SAXO1: variants seen among roughly 807,000 people sequenced by gnomAD.
The protein encoded by SAXO1 is 4930500O09Rik.
A neutral mutation model predicts 17.5 loss-of-function variants in SAXO1; 21 were observed. The ratio of observed to expected loss-of-function variants is 1.20; its 90% CI spans 0.85 to 1.72. The LOEUF is 1.72. Ranked by LOEUF, SAXO1 falls within the 40% of genes most tolerant of loss-of-function variation. The probability of loss-of-function intolerance (pLI) is 0.00; values close to 1 mark genes in which losing one functional copy is unlikely to be tolerated. For missense variants in SAXO1, 843 were observed against 596.0 expected (o/e 1.41, Z -4.32); for synonymous variants, 274 against 216.5 (o/e 1.27, Z -2.33).
Position 18,995,883 on chromosome 9 carries a change from C to T in SAXO1, c.38+36988G>A, listed in dbSNP as rs556626540. Among the ~76,000 whole-genome samples, 459 of 151,956 alleles carry T rather than the reference C, an allele frequency of 3.0e-3. 7 individuals are homozygous for T. The South Asian group carries it at 0.044, about 15-fold the overall frequency. ...TCACTTGAGGTCAGGAGTTTGAGAC[C>T]AGCCTGGCCAACGTGGTGAAACCCC... On this transcript the variant is annotated intron_variant, in intron 1 of 3. Transcript: ENST00000380534.
intron 1 of SAXO1, among the ~76,000 whole-genome samples, chr9:19,042,605 G>A (rs748168779): frequency 4.0e-4 from 60 of 150,690 alleles, no homozygotes; most frequent in Non-Finnish European, 7.4e-4. Context: ...GCTCACACCT[G>A]TAATCCCAGC....
intron 1 of SAXO1, among the ~76,000 whole-genome samples, chr9:18,980,842 C>T (rs1001309847): frequency 4.9e-5 from 7 of 144,156 alleles, no homozygotes; most frequent in African/African-American, 1.6e-4. Context: ...AAAAACTCAT[C>T]GAGAACCCTC....
intron 1 of SAXO1, among the ~76,000 whole-genome samples, chr9:18,985,549 C>G (rs1833557857): frequency 6.6e-6 from 1 of 152,122 alleles, no homozygotes; most frequent in African/African-American, 2.4e-5. Context: ...CTAAACAGAG[C>G]AGCAATTGAC....
In SAXO1 at chr9:18,995,904, A is replaced by T. The variant is rs538850625; in HGVS notation, c.38+36967T>A. On this transcript the variant is annotated intron_variant, in intron 1 of 3. Coordinates refer to ENST00000380534, the MANE Select transcript of SAXO1 (RefSeq NM_153707.4). ...AGACCAGCCTGGCCAACGTGGTGAA[A>T]CCCCATCTTACCAAAAATACAACAA... Among the ~76,000 whole-genome samples the T allele has an allele frequency of 9.6e-4, 146 of 151,976 alleles. 1 individual carries two copies. Among genetic ancestry groups the T allele is most frequent in the South Asian group, 1.7e-3 (8 of 4,796 alleles).
At chr9:19,040,601 G>T (rs111452091) in intron 1 of SAXO1, among the ~76,000 whole-genome samples, 2 of 151,818 alleles carry the variant, frequency 1.3e-5, no homozygotes, top group Admixed American at 6.6e-5. Flanking sequence ...CCAAGATGGC[G>T]CCACTGCATT....
intron 1 of SAXO1, among the ~76,000 whole-genome samples, chr9:19,009,997 T>C (rs1315937651): frequency 6.6e-6 from 1 of 152,102 alleles, no homozygotes; most frequent in Non-Finnish European, 1.5e-5. Flanking sequence ...TGGCTAATTT[T>C]TTTGTATTTT....
intron 1 of SAXO1, among the ~76,000 whole-genome samples, chr9:18,965,862 T>C (rs923134354): frequency 6.6e-6 from 1 of 152,234 alleles, no homozygotes. Flanking sequence ...CATTTCGTTA[T>C]GTTTTTGCGT....
Position 18,928,715 on chromosome 9 carries a change from GC to G in SAXO1, c.761del (p.Ser254ThrfsTer2), listed in dbSNP as rs1563921766. The G allele has an allele frequency of 6.2e-7, 1 of 1,614,174 alleles. No homozygotes were observed. Among genetic ancestry groups the G allele is most frequent in the Admixed American group, 1.7e-5 (1 of 60,028 alleles). On this transcript the variant is annotated frameshift_variant, in exon 4 of 4. Coordinates refer to ENST00000380534, the MANE Select transcript of SAXO1 (RefSeq NM_153707.4). LOFTEE classifies it low-confidence loss of function (END_TRUNC). ...YRGLMGEPAK[S>X]LKPLARPPGL... ...CAGGAGGCCTGGCTAGAGGTTTCAA[GC>G]TCTTGGCAGGCTCCCCCATCAGGCC...
At chr9:19,030,415 A>G (rs1257296191) in intron 1 of SAXO1, among the ~76,000 whole-genome samples, 1 of 151,078 alleles carries the variant, frequency 6.6e-6, no homozygotes, top group Admixed American at 6.6e-5. Flanking sequence ...ACTTTAGAAA[A>G]GAGTCAATGT....
chr9:18,934,802 T>A (rs117916208), intron 3 of SAXO1, among the ~76,000 whole-genome samples: 1 of 152,338 alleles, frequency 6.6e-6, no homozygotes, highest in South Asian at 2.1e-4. Flanking sequence ...CTGATCCCCA[T>A]TGGGAGTTGG....
intron 1 of SAXO1, among the ~76,000 whole-genome samples, chr9:18,970,195 T>C (rs1322869731): frequency 2.3e-4 from 35 of 152,202 alleles, no homozygotes; most frequent in Non-Finnish European, 1.5e-5. Context: ...TGTGTGAACA[T>C]GTTAAATGTC....
At chr9:18,948,699 C>T (rs1055939170) in intron 2 of SAXO1, among the ~76,000 whole-genome samples, 1 of 152,148 alleles carries the variant, frequency 6.6e-6, no homozygotes, top group African/African-American at 2.4e-5. Context: ...GGCAGGTCTT[C>T]CGCCCCAGAC....
intron 1 of SAXO1, among the ~76,000 whole-genome samples, chr9:19,022,108 G>T (rs1256802650): frequency 1.3e-5 from 2 of 152,188 alleles, no homozygotes; most frequent in African/African-American, 4.8e-5. Context: ...AGTTTCTGTG[G>T]CTTCATTCCT....
Position 19,025,439 on chromosome 9 carries a change from G to C in SAXO1, c.38+7432C>G, listed in dbSNP as rs550541075. Among the ~76,000 whole-genome samples the C allele has an allele frequency of 2.6e-5, 4 of 152,008 alleles. No individual in the cohort carries two copies. In the South Asian group the frequency reaches 8.3e-4, roughly 32 times the overall value. On this transcript the variant is annotated intron_variant, in intron 1 of 3. Coordinates refer to ENST00000380534, the MANE Select transcript of SAXO1 (RefSeq NM_153707.4). Reference sequence around the variant, plus strand: ...ATCTAAGGTTAAGGAAATTTCCATCGATATGAAGAAAATATTTTCCAAAAT... The same window carrying C: ...ATCTAAGGTTAAGGAAATTTCCATCCATATGAAGAAAATATTTTCCAAAAT...
intron 3 of SAXO1, 49 bp downstream of exon 3, chr9:18,941,588 A>G: frequency 1.2e-6 from 2 of 1,608,884 alleles, no homozygotes; most frequent in Non-Finnish European, 8.5e-7. Context: ...TGGCCCGCAC[A>G]CAGGCTCAGC....
chr9:18,969,208 T>G (rs1832853004), intron 1 of SAXO1, among the ~76,000 whole-genome samples: 1 of 152,200 alleles, frequency 6.6e-6, no homozygotes, highest in Non-Finnish European at 1.5e-5. Context: ...GCTCTTGATT[T>G]AAGCTGATGA....
chr9:18,985,773 A>G (rs1833569610), intron 1 of SAXO1, among the ~76,000 whole-genome samples: 1 of 152,242 alleles, frequency 6.6e-6, no homozygotes, highest in Admixed American at 6.5e-5. Flanking sequence ...AACAATTTTG[A>G]TACATTCCTT....
chr9:19,041,358 T>G (rs1226460556), intron 1 of SAXO1, among the ~76,000 whole-genome samples: 1 of 152,188 alleles, frequency 6.6e-6, no homozygotes, highest in East Asian at 1.9e-4. Context: ...TTTGTTAAAA[T>G]GTTCATGCTA....
intron 3 of SAXO1, among the ~76,000 whole-genome samples, chr9:18,941,206 A>C (rs1346001253): frequency 6.6e-6 from 1 of 152,218 alleles, no homozygotes; most frequent in African/African-American, 2.4e-5. Flanking sequence ...CTGCAAGCTA[A>C]GGCAGGGGTT....
Sources: allele counts gnomAD v4.1 joint callset (sites outside exome capture counted in the v4.1 genomes callset), GRCh38; gene constraint gnomAD v4.1.1; transcripts MANE v1.5; gene names NCBI Gene and HGNC (gene_info 2026-07-23, HGNC 2026-07-21).